The following TFG variants were observed in gnomAD, a reference collection of about 807,000 sequenced individuals.
The protein encoded by TFG is protein TFG.
TFG carries 22 observed loss-of-function variants against 51.4 expected under a neutral mutation model. The ratio of observed to expected loss-of-function variants is 0.43; its 90% CI spans 0.31 to 0.61. The LOEUF is 0.61. TFG is among the 20% of genes least tolerant of loss of function. TFG has a pLI of 0.12. For missense variants in TFG, 419 were observed against 487.7 expected (o/e 0.86, Z 1.33); for synonymous variants, 187 against 165.6 (o/e 1.13, Z -0.99).
chr3:100,709,397 G>C (rs967266668), upstream of TFG: 1 of 152,522 alleles, frequency 6.6e-6, no homozygotes, highest in African/African-American at 2.4e-5. Flanking sequence ...GACCCAGCCA[G>C]CCCTGCGCCT....
chr3:100,725,937 C>T (rs1193857285), intron 3 of TFG, among the ~76,000 whole-genome samples: 7 of 152,066 alleles, frequency 4.6e-5, no homozygotes, highest in Non-Finnish European at 7.4e-5. Context: ...TAGGGTTCTC[C>T]AGAGGGATGG....
Position 100,720,463 on chromosome 3 carries a change from C to T in TFG, c.268+405C>T, listed in dbSNP as rs147702539. On this transcript the variant is annotated intron_variant, in intron 3 of 7. Transcript: ENST00000240851. The stretch of plus-strand genomic sequence containing the variant: ...ACCAGTAGTCGCCAACCTTTTTGCA[C>T]TGGAAACTGGTTTCGTGTAAGACAG... Among the ~76,000 whole-genome samples the T allele has an allele frequency of 1.8e-4, 27 of 152,314 alleles. 1 individual carries two copies. The highest frequency in any genetic ancestry group is 6.3e-4 in the African/African-American group (26 of 41,572).
intron 5 of TFG, 78 bp from the exon 6 acceptor site, chr3:100,736,498 T>A: frequency 1.3e-6 from 2 of 1,521,902 alleles, no homozygotes; most frequent in Non-Finnish European, 1.8e-6. Flanking sequence ...TAGTATCTTT[T>A]AACCAAACTT....
At position 100,732,694 on chromosome 3, in the gene TFG, T is replaced by TTACACCC. The variant is rs766049936; in HGVS notation, c.580+24_580+30dup. 12 of 1,572,082 alleles carry TTACACCC rather than the reference T, an allele frequency of 7.6e-6. No individual in the cohort carries two copies. In the Admixed American group the frequency reaches 1.9e-4, roughly 25 times the overall value. ...TCAGGTAAGTTGGTTTCCAACTCCT[T>TTACACCC]TACACCCTTCGTTTCCTTCATCTTT... On this transcript the variant is annotated intron_variant, in intron 5 of 7. Coordinates refer to ENST00000240851, the MANE Select transcript of TFG (RefSeq NM_006070.6).
chr3:100,728,449 C>T (rs114737517), intron 3 of TFG, among the ~76,000 whole-genome samples: 114 of 151,656 alleles, frequency 7.5e-4, no homozygotes, highest in African/African-American at 2.5e-3. Context: ...AAGTAGAGCT[C>T]GGATTTTCCT....
intron 7 of TFG, chr3:100,747,362 G>A (rs1173378753): frequency 1.3e-5 from 2 of 151,466 alleles, no homozygotes; most frequent in East Asian, 1.9e-4. Context: ...TTAATGCAGG[G>A]TTGTACATAT....
intron 5 of TFG, among the ~76,000 whole-genome samples, chr3:100,734,068 T>A (rs2095099459): frequency 6.6e-6 from 1 of 151,496 alleles, no homozygotes; most frequent in Non-Finnish European, 1.5e-5. Context: ...TTTTTTTGCT[T>A]TTTTTTTTGC....
Position 100,744,892 on chromosome 3 carries a change from C to G in TFG, c.781C>G (p.Pro261Ala), listed in dbSNP as rs770376829. Residue 261 changes from proline to alanine, a missense_variant, in exon 7 of 8, where the codon CCA becomes GCA. By Grantham distance (27) the Pro-to-Ala change is conservative (BLOSUM62 -1). Transcript: ENST00000240851. Reference protein sequence around the residue: ...AGYGAQQPQAPPQQPQQYGIQ... With the variant: ...AGYGAQQPQAAPQQPQQYGIQ... ...CTATGGTGCACAGCAGCCGCAGGCT[C>G]CACCTCAGCAGCCTCAACAGTATGG... is the stretch of plus-strand genomic sequence containing the variant. 5.6e-6 allele frequency: 9 copies of G among 1,613,534 alleles called. No homozygotes were observed. The Admixed American group carries it at 1.5e-4, about 27-fold the overall frequency.
intron 3 of TFG, among the ~76,000 whole-genome samples, chr3:100,728,369 T>C (rs376113336): frequency 1.5e-5 from 1 of 68,150 alleles, no homozygotes; most frequent in Non-Finnish European, 4.0e-5. Context: ...AATAAATATT[T>C]AAGAACAGCA....
chr3:100,729,821 AT>A (rs1358979094), intron 4 of TFG, among the ~76,000 whole-genome samples: 1 of 152,096 alleles, frequency 6.6e-6, no homozygotes, highest in Admixed American at 6.6e-5. Context: ...ATAAAGATGT[AT>A]TTTCCATCAT....
Position 100,748,344 on chromosome 3 carries a change from A to G in TFG, c.1016A>G (p.Tyr339Cys). Residue 339 changes from tyrosine to cysteine, a missense_variant, in exon 8 of 8, where the codon TAT (tyrosine) becomes TGT (cysteine). Coordinates refer to ENST00000240851, the MANE Select transcript of TFG (RefSeq NM_006070.6). ...GCCCAAACTTCTCAGCCTACTAATTATACTGTGGCTCCTGCCTCTCAACCT... is the reference window on the plus strand; with the variant it reads ...GCCCAAACTTCTCAGCCTACTAATTGTACTGTGGCTCCTGCCTCTCAACCT... ...YTAQTSQPTNYTVAPASQPGM... is the reference protein window; with the variant it reads ...YTAQTSQPTNCTVAPASQPGM... The G allele has an allele frequency of 6.2e-7, 1 of 1,614,062 alleles. No individual in the cohort carries two copies.
chr3:100,713,883 T>A lies in TFG; in HGVS notation c.184+14T>A. The A allele has an allele frequency of 7.2e-7, 1 of 1,392,100 alleles. No homozygotes were observed. The highest frequency in any genetic ancestry group is 1.6e-5 in the South Asian group (1 of 62,162). 86.2% of individuals were successfully genotyped at this position (1,392,100 alleles called of 1,614,324 possible). A position where few individuals can be genotyped will look rare whatever the true frequency, so the allele number is the denominator to read the frequency against. On this transcript the variant is annotated intron_variant, in intron 2 of 7. Transcript: ENST00000240851. ...ATAAAGATGAAGGTAAGAGTGTTTT[T>A]AAAGCTATTTTTTAAAGTCTTTTTA...
chr3:100,748,077 AG>A (rs1445754062), intron 7 of TFG, 71 bp from the exon 8 acceptor site: 29 of 1,491,226 alleles, frequency 1.9e-5, no homozygotes, highest in Non-Finnish European at 2.0e-5. Flanking sequence ...TCCACCTAAC[AG>A]TAAGACTAAT....
rs746679944 is a variant in TFG, at chr3:100,713,650, C to T, written c.-36C>T. 2 of 1,416,598 alleles carry T rather than the reference C, an allele frequency of 1.4e-6. No homozygotes were observed. Among genetic ancestry groups the T allele is most frequent in the South Asian group, 1.7e-5 (1 of 60,288 alleles). 87.8% of individuals were successfully genotyped at this position (1,416,598 alleles called of 1,614,324 possible). A position where few individuals can be genotyped will look rare whatever the true frequency, so the allele number is the denominator to read the frequency against. ...CAAAACCACTTTTATCAGTCTTTCT[C>T]TAGAGTTGTATATATAGAACATCCT... On this transcript the variant is annotated 5_prime_UTR_variant, in exon 2 of 8. Transcript: ENST00000240851.
chr3:100,720,093 T>C (rs766158298), intron 3 of TFG, 35 bp downstream of exon 3: 6 of 1,281,420 alleles, frequency 4.7e-6, no homozygotes, highest in Non-Finnish European at 5.4e-6. Context: ...TTTACTATTT[T>C]ATTCATTGTA....
At chr3:100,741,888 T>C (rs1318558338) in intron 6 of TFG, among the ~76,000 whole-genome samples, 2 of 152,220 alleles carry the variant, frequency 1.3e-5, no homozygotes, top group Non-Finnish European at 2.9e-5. Flanking sequence ...GACTGCTATG[T>C]ACCATATAGC....
chr3:100,742,043 C>T (rs1036124913), intron 6 of TFG, among the ~76,000 whole-genome samples: 1 of 152,190 alleles, frequency 6.6e-6, no homozygotes, highest in Non-Finnish European at 1.5e-5. Context: ...TTACTATAAA[C>T]AATGTCTGCA....
At chr3:100,724,597 C>T (rs1426583132) in intron 3 of TFG, among the ~76,000 whole-genome samples, 1 of 152,132 alleles carries the variant, frequency 6.6e-6, no homozygotes, top group African/African-American at 2.4e-5. Flanking sequence ...GGAATATACA[C>T]TAATTCATTT....
intron 5 of TFG, among the ~76,000 whole-genome samples, chr3:100,733,770 A>G (rs74895058): frequency 0.03 from 4,522 of 152,266 alleles, 87 homozygotes; most frequent in Non-Finnish European, 0.046. Flanking sequence ...TCTAGCAGGG[A>G]GTTGATTTGT....
Sources: allele counts gnomAD v4.1 joint callset (sites outside exome capture counted in the v4.1 genomes callset), GRCh38; gene constraint gnomAD v4.1.1; transcripts MANE v1.5; gene names NCBI Gene and HGNC (gene_info 2026-07-23, HGNC 2026-07-21).